Variants in NCKAP5 observed in about 807,000 individuals in gnomAD.
NCKAP5 encodes NCK associated protein 5, also known as nck-associated protein 5.
NCKAP5 carries 92 observed loss-of-function variants against 167.0 expected under a neutral mutation model. The observed-to-expected ratio is 0.55, with a 90% CI of 0.47 to 0.66. NCKAP5 has a LOEUF of 0.66. Ranked by LOEUF, NCKAP5 falls within the 30% of genes least tolerant of loss-of-function variation. The pLI is 0.00. For synonymous variants in NCKAP5, 891 were observed against 877.4 expected (o/e 1.02, Z -0.27); for missense variants, 2,378 against 2,315.0 (o/e 1.03, Z -0.56).
intron 6 of NCKAP5, among the ~76,000 whole-genome samples, chr2:133,019,816 C>T (rs1186549342): frequency 6.6e-6 from 1 of 152,226 alleles, no homozygotes; most frequent in Non-Finnish European, 1.5e-5. Flanking sequence ...TCCTCTGAGA[C>T]AGGCAATAAT....
chr2:133,002,256 C>A (rs2077810184), intron 6 of NCKAP5, among the ~76,000 whole-genome samples: 1 of 152,138 alleles, frequency 6.6e-6, no homozygotes, highest in Non-Finnish European at 1.5e-5. Flanking sequence ...ATGCCTAAAA[C>A]CCTGGATACT....
intron 2 of NCKAP5, among the ~76,000 whole-genome samples, chr2:133,551,182 A>G (rs1687260621): frequency 6.6e-6 from 1 of 152,128 alleles, no homozygotes; most frequent in African/African-American, 2.4e-5. Flanking sequence ...GGTAATTTAT[A>G]GATTCAATGC....
intron 3 of NCKAP5, among the ~76,000 whole-genome samples, chr2:133,333,007 T>A (rs1480613293): frequency 6.6e-6 from 1 of 152,276 alleles, no homozygotes; most frequent in Non-Finnish European, 1.5e-5. Flanking sequence ...AAACTTTGAT[T>A]ACCCAGCAAT....
chr2:132,941,247 T>C (rs912750605), intron 8 of NCKAP5, among the ~76,000 whole-genome samples: 2 of 152,222 alleles, frequency 1.3e-5, no homozygotes, highest in African/African-American at 4.8e-5. Context: ...CTTCTGTTAT[T>C]GTACTGGACC....
chr2:133,024,889 T>C (rs553699887), intron 6 of NCKAP5, among the ~76,000 whole-genome samples: 1 of 152,342 alleles, frequency 6.6e-6, no homozygotes, highest in East Asian at 1.9e-4. Context: ...CCACACACCA[T>C]GTTGCAAAGA....
chr2:132,969,152 C>T (rs1263552226), intron 7 of NCKAP5, among the ~76,000 whole-genome samples: 1 of 152,154 alleles, frequency 6.6e-6, no homozygotes, highest in Non-Finnish European at 1.5e-5. Context: ...ATTCTCCTGT[C>T]TCAGCCTCCC....
At chr2:132,933,839 A>G (rs1461094649) in intron 8 of NCKAP5, among the ~76,000 whole-genome samples, 1 of 152,126 alleles carries the variant, frequency 6.6e-6, no homozygotes, top group Non-Finnish European at 1.5e-5. Context: ...AAAGAATTGT[A>G]TTTTCAGAGG....
chr2:133,384,535 G>A (rs1559437691), intron 3 of NCKAP5, among the ~76,000 whole-genome samples: 1 of 152,182 alleles, frequency 6.6e-6, no homozygotes, highest in Non-Finnish European at 1.5e-5. Context: ...ACTTGGCAAT[G>A]CGGGCTCTTT....
At chr2:133,186,467 C>T (rs1004761656) in intron 5 of NCKAP5, among the ~76,000 whole-genome samples, 7 of 152,038 alleles carry the variant, frequency 4.6e-5, no homozygotes, top group African/African-American at 7.2e-5. Flanking sequence ...ATGCTGGCTT[C>T]GAAGAATGAG....
At chr2:132,801,093 T>C (rs1439749380) in intron 11 of NCKAP5, among the ~76,000 whole-genome samples, 8 of 152,178 alleles carry the variant, frequency 5.3e-5, no homozygotes, top group Non-Finnish European at 1.2e-4. Context: ...CTCCCTCATA[T>C]AGTCTTCCAT....
intron 3 of NCKAP5, among the ~76,000 whole-genome samples, chr2:133,376,414 C>T (rs1281476370): frequency 1.3e-5 from 2 of 152,270 alleles, no homozygotes; most frequent in South Asian, 2.1e-4. Context: ...CCCGTTTGCC[C>T]GAGTCCTCAT....
intron 3 of NCKAP5, among the ~76,000 whole-genome samples, chr2:133,338,527 A>T (rs1683362799): frequency 6.6e-6 from 1 of 152,220 alleles, no homozygotes; most frequent in Admixed American, 6.5e-5. Flanking sequence ...TCCAGCAAAA[A>T]TAATACAATG....
chr2:133,291,317 C>A (rs1574619229), intron 4 of NCKAP5, among the ~76,000 whole-genome samples: 1 of 152,168 alleles, frequency 6.6e-6, no homozygotes, highest in South Asian at 2.1e-4. Flanking sequence ...GAGCAACATG[C>A]TGGGAACTGG....
intron 8 of NCKAP5, among the ~76,000 whole-genome samples, chr2:132,933,143 T>C (rs552384584): frequency 2.3e-4 from 35 of 152,198 alleles, no homozygotes; most frequent in East Asian, 9.7e-4. Context: ...GCCAGGATGG[T>C]CTCGATCTTC....
At chr2:132,810,996 T>C (rs1420938186) in intron 11 of NCKAP5, among the ~76,000 whole-genome samples, 1 of 152,192 alleles carries the variant, frequency 6.6e-6, no homozygotes, top group African/African-American at 2.4e-5. Context: ...CCTTTTCCTA[T>C]GGATGTGGCT....
At chr2:133,555,314 A>C (rs183143062) in intron 2 of NCKAP5, among the ~76,000 whole-genome samples, 127 of 152,268 alleles carry the variant, frequency 8.3e-4, no homozygotes, top group Non-Finnish European at 1.2e-3. Context: ...CTGTCTGTGT[A>C]ATTGCTCTGG....
In NCKAP5 at chr2:133,459,905, A is replaced by G. The variant is rs765765437; in HGVS notation, c.69+57553T>C. 6.6e-5 allele frequency among the ~76,000 whole-genome samples: 10 copies of G among 152,198 alleles called. 1 individual carries two copies. The highest frequency in any genetic ancestry group is 1.0e-4 in the Non-Finnish European group (7 of 68,042). On this transcript the variant is annotated intron_variant, in intron 3 of 19. Coordinates refer to ENST00000409261, the MANE Select transcript of NCKAP5 (RefSeq NM_207363.3). Reference sequence around the variant, plus strand: ...GGTCCATGTGGAATGAAATGTTCCTACTTTAAATATCAAGTTCAGTGTTAT... The same window carrying G: ...GGTCCATGTGGAATGAAATGTTCCTGCTTTAAATATCAAGTTCAGTGTTAT...
Position 132,790,042 on chromosome 2 carries a change from C to G in NCKAP5, c.1073G>C (p.Gly358Ala). 6.2e-7 allele frequency: 1 copy of G among 1,612,578 alleles called. No individual in the cohort carries two copies. The highest frequency in any genetic ancestry group is 8.5e-7 in the Non-Finnish European group (1 of 1,179,228). ...SSGSSYTWHDGKNLRKRQSSQ... is the reference protein window; with the variant it reads ...SSGSSYTWHDAKNLRKRQSSQ... ...CCTTACCCTTTTCCTGAGGTTCTTC[C>G]CATCGTGCCACGTGTAGGAGGAGCC... Residue 358 changes from glycine to alanine, a missense_variant, in exon 13 of 20, where the codon GGG becomes GCG. By Grantham distance (60) the Gly-to-Ala change is moderately conservative (BLOSUM62 0). Coordinates refer to ENST00000409261, the MANE Select transcript of NCKAP5 (RefSeq NM_207363.3).
At chr2:132,997,587 G>C (rs1299123524) in intron 6 of NCKAP5, among the ~76,000 whole-genome samples, 1 of 152,086 alleles carries the variant, frequency 6.6e-6, no homozygotes, top group Non-Finnish European at 1.5e-5. Flanking sequence ...ATGGTTAGTT[G>C]GATAGGGAGT....
Sources: allele counts gnomAD v4.1 joint callset (sites outside exome capture counted in the v4.1 genomes callset), GRCh38; gene constraint gnomAD v4.1.1; transcripts MANE v1.5; gene names NCBI Gene and HGNC (gene_info 2026-07-23, HGNC 2026-07-21).